SPATS2L: variants seen among roughly 807,000 people sequenced by gnomAD.
The protein encoded by SPATS2L is spermatogenesis associated serine rich 2 like.
A neutral mutation model predicts 59.6 loss-of-function variants in SPATS2L; 30 were observed. The observed-to-expected ratio is 0.50, with a 90% confidence interval of 0.38 to 0.68. SPATS2L has a LOEUF of 0.68. Among genes scored for constraint, SPATS2L ranks in the 30% least tolerant of loss-of-function variants. The pLI, the probability that SPATS2L is intolerant of heterozygous loss-of-function variation, is 0.00. For missense variants in SPATS2L, 615 were observed against 700.0 expected (o/e 0.88, Z 1.37); for synonymous variants, 252 against 263.5 (o/e 0.96, Z 0.42).
At chr2:200,428,282 T>A (rs1417741805) in intron 6 of SPATS2L, among the ~76,000 whole-genome samples, 1 of 152,220 alleles carries the variant, frequency 6.6e-6, no homozygotes, top group African/African-American at 2.4e-5. Context: ...TATTATTGAA[T>A]CTAGCCATTG....
intron 2 of SPATS2L, chr2:200,372,092 T>C: frequency 2.0e-6 from 2 of 985,386 alleles, no homozygotes; most frequent in Non-Finnish European, 2.4e-6. Flanking sequence ...TGACTTGGCT[T>C]CAATTTTTGC....
chr2:200,383,258 C>T (rs1245843575), intron 2 of SPATS2L, among the ~76,000 whole-genome samples: 2 of 152,172 alleles, frequency 1.3e-5, no homozygotes, highest in Non-Finnish European at 2.9e-5. Context: ...TAAAATCATA[C>T]ATTTTCTAGC....
chr2:200,356,497 A>G (rs1039624049), intron 2 of SPATS2L, among the ~76,000 whole-genome samples: 19 of 152,240 alleles, frequency 1.2e-4, no homozygotes, highest in Admixed American at 6.5e-5. Context: ...AAGGAGGGAA[A>G]AAAATGGGTT....
chr2:200,366,504 TTAAA>T (rs1487049723), intron 2 of SPATS2L, among the ~76,000 whole-genome samples: 1 of 152,222 alleles, frequency 6.6e-6, no homozygotes, highest in Non-Finnish European at 1.5e-5. Context: ...GTGAATATAA[TTAAA>T]TAAACTATCG....
intron 2 of SPATS2L, among the ~76,000 whole-genome samples, chr2:200,345,629 G>T (rs569542485): frequency 9.8e-5 from 15 of 152,300 alleles, no homozygotes; most frequent in African/African-American, 3.6e-4. Flanking sequence ...AAACTGCTGA[G>T]TGGGGATTCC....
chr2:200,459,595 G>A (rs1156541875), intron 8 of SPATS2L, among the ~76,000 whole-genome samples, 174 bp from the exon 9 acceptor site: 3 of 152,154 alleles, frequency 2.0e-5, no homozygotes, highest in East Asian at 1.9e-4. Flanking sequence ...ACATCCCTTC[G>A]ATGTTGCCTC....
intron 2 of SPATS2L, among the ~76,000 whole-genome samples, chr2:200,362,101 G>A (rs2081126999): frequency 6.6e-6 from 1 of 151,938 alleles, no homozygotes; most frequent in African/African-American, 2.4e-5. Flanking sequence ...TAAAAAAATA[G>A]CTAGGCATGG....
chr2:200,319,288 G>A (rs1368946848), intron 1 of SPATS2L, among the ~76,000 whole-genome samples: 3 of 152,136 alleles, frequency 2.0e-5, no homozygotes, highest in Admixed American at 1.3e-4. Flanking sequence ...GCATCTGGCC[G>A]GATGTTATGG....
intron 2 of SPATS2L, among the ~76,000 whole-genome samples, chr2:200,370,323 GAATGT>G (rs1358228146): frequency 2.0e-5 from 3 of 152,170 alleles, no homozygotes; most frequent in Non-Finnish European, 2.9e-5. Flanking sequence ...AAAGTGAAGA[GAATGT>G]AATAGATATG....
chr2:200,391,239 T>C (rs559107605), intron 3 of SPATS2L, among the ~76,000 whole-genome samples: 1 of 152,334 alleles, frequency 6.6e-6, no homozygotes, highest in Non-Finnish European at 1.5e-5. Context: ...GATATTTTCA[T>C]ATCCAATTAC....
intron 8 of SPATS2L, among the ~76,000 whole-genome samples, chr2:200,456,788 G>A (rs2085862131): frequency 6.6e-6 from 1 of 152,146 alleles, no homozygotes; most frequent in African/African-American, 2.4e-5. Flanking sequence ...ACATGCAGCA[G>A]TATTTCCCTT....
chr2:200,384,890 G>A (rs1250428741), intron 2 of SPATS2L, among the ~76,000 whole-genome samples: 1 of 152,128 alleles, frequency 6.6e-6, no homozygotes, highest in African/African-American at 2.4e-5. Flanking sequence ...CTAAGCTATT[G>A]AAATGTTGCA....
At chr2:200,456,609 G>A (rs140734368) in intron 8 of SPATS2L, among the ~76,000 whole-genome samples, 13 of 152,266 alleles carry the variant, frequency 8.5e-5, no homozygotes, top group East Asian at 7.7e-4. Context: ...AAAGTGTTAC[G>A]ATGGTCTTGT....
At chr2:200,395,403 C>G (rs1044201508) in intron 3 of SPATS2L, among the ~76,000 whole-genome samples, 6 of 152,312 alleles carry the variant, frequency 3.9e-5, no homozygotes, top group African/African-American at 1.4e-4. Flanking sequence ...TGAGTGACCT[C>G]TAAGCCACTT....
intron 8 of SPATS2L, among the ~76,000 whole-genome samples, chr2:200,442,803 G>A (rs924897510): frequency 6.6e-6 from 1 of 152,152 alleles, no homozygotes. Flanking sequence ...AGCTGAAAGC[G>A]TGGGGCCAGG....
At chr2:200,352,226 A>T (rs930852069) in intron 2 of SPATS2L, among the ~76,000 whole-genome samples, 1 of 151,448 alleles carries the variant, frequency 6.6e-6, no homozygotes, top group African/African-American at 2.4e-5. Context: ...AGAAAAGGGC[A>T]TATACTTAAA....
At chr2:200,332,940 A>G (rs1032645100) in intron 2 of SPATS2L, among the ~76,000 whole-genome samples, 7 of 152,098 alleles carry the variant, frequency 4.6e-5, no homozygotes, top group Admixed American at 4.6e-4. Flanking sequence ...AAAATGAACT[A>G]GAGCTGTACA....
At chr2:200,426,993 G>T (rs1391803197) in intron 6 of SPATS2L, among the ~76,000 whole-genome samples, 1 of 151,940 alleles carries the variant, frequency 6.6e-6, no homozygotes, top group African/African-American at 2.4e-5. Flanking sequence ...GGTATTTTTC[G>T]GTCACCTGGG....
At chr2:200,365,555 A>G (rs1293746163) in intron 2 of SPATS2L, among the ~76,000 whole-genome samples, 1 of 152,212 alleles carries the variant, frequency 6.6e-6, no homozygotes, top group African/African-American at 2.4e-5. Context: ...CAGGCTAACA[A>G]AGTTTTAATA....
Sources: gnomAD v4.1 joint callset for allele counts (sites outside exome capture counted in the v4.1 genomes callset) on GRCh38, gnomAD v4.1.1 for gene constraint, MANE v1.5 for transcripts, NCBI Gene and HGNC (gene_info 2026-07-23, HGNC 2026-07-21) for gene names.